The following ANKRD11 variants were observed in gnomAD, a reference collection of about 807,000 sequenced individuals.
The protein encoded by ANKRD11 is ankyrin repeat domain 11, also known as ankyrin repeat domain-containing protein 11.
In ANKRD11, 17 loss-of-function variants were observed where a neutral mutation model predicts 195.7. The ratio of observed to expected loss-of-function variants is 0.09; its 90% CI spans 0.06 to 0.13. The LOEUF (loss-of-function observed/expected upper bound fraction) is 0.13, where lower values mean the gene tolerates loss of function less well. Ranked by LOEUF, ANKRD11 falls within the 10% of genes least tolerant of loss-of-function variation. ANKRD11 has a pLI of 1.00. For missense variants in ANKRD11, 3,735 were observed against 3,566.1 expected (o/e 1.05, Z -1.21); for synonymous variants, 1,953 against 1,528.1 (o/e 1.28, Z -6.49).
intron 1 of ANKRD11, among the ~76,000 whole-genome samples, chr16:89,423,417 C>A (rs1262799198): frequency 6.6e-6 from 1 of 152,228 alleles, no homozygotes; most frequent in South Asian, 2.1e-4. Context: ...TCCCACAGAA[C>A]GGCCCGCAGT....
intron 2 of ANKRD11, among the ~76,000 whole-genome samples, chr16:89,341,443 C>A (rs1276591249): frequency 1.3e-5 from 2 of 152,224 alleles, no homozygotes; most frequent in African/African-American, 2.4e-5. Context: ...AGCTTCCCAG[C>A]CTTCCAGAAG....
In ANKRD11 at chr16:89,291,497, C is replaced by T. The variant is rs1330125956; in HGVS notation, c.227-314G>A. On this transcript the variant is annotated intron_variant, in intron 4 of 12. Transcript: ENST00000301030. The surrounding 1 kb of genome is among the most constrained non-coding windows in gnomAD (Gnocchi z 5.3). ...GGGCCTCCCCAGACCTCGTACCACA[C>T]ATGAATGCGGTGGGACAGCTTAGCA... 2.0e-5 allele frequency among the ~76,000 whole-genome samples: 3 copies of T among 152,234 alleles called. No homozygotes were observed. The highest frequency in any genetic ancestry group is 2.1e-4 in the South Asian group (1 of 4,836).
chr16:89,404,828 C>T (rs938245996), intron 2 of ANKRD11, among the ~76,000 whole-genome samples: 4 of 152,252 alleles, frequency 2.6e-5, no homozygotes, highest in South Asian at 4.1e-4. Context: ...GCCACCTTGA[C>T]GCTGAATGTA....
At chr16:89,477,248 A>T (rs560588741) in intron 1 of ANKRD11, among the ~76,000 whole-genome samples, 44 of 149,754 alleles carry the variant, frequency 2.9e-4, no homozygotes, top group African/African-American at 1.1e-3. Flanking sequence ...GCTGGAGTGC[A>T]GTGGCGCCAT....
Position 89,279,811 on chromosome 16 carries a change from A to ACGGGCG in ANKRD11, c.6725_6730dup (p.Ala2242_Pro2243dup), listed in dbSNP as rs1450568997. On this transcript the variant is annotated inframe_insertion, in exon 9 of 13. Transcript: ENST00000301030. The surrounding 1 kb of genome is among the most constrained non-coding windows in gnomAD (Gnocchi z 5.6). ...CCCCAGTGGGCGCTGTTCTGGGGGA[A>ACGGGCG]CGGGCGCGGGCTCCACGCTGGAGTC... The ACGGGCG allele has an allele frequency of 1.3e-6, 2 of 1,541,762 alleles. No individual in the cohort carries two copies. Among genetic ancestry groups the ACGGGCG allele is most frequent in the Admixed American group, 2.0e-5 (1 of 51,062 alleles).
Position 89,286,538 on chromosome 16 carries a change from G to A in ANKRD11, c.745-352C>T, listed in dbSNP as rs895815519. ...CTTCTCACGAAGGCTCTCCCCTCCC[G>A]CCAACAGTGAGCTCCTCAGCAGAGT... On this transcript the variant is annotated intron_variant, in intron 7 of 12. Transcript: ENST00000301030. 6.5e-5 allele frequency: 41 copies of A among 633,320 alleles called. No individual in the cohort carries two copies. In the South Asian group the frequency reaches 6.9e-4, roughly 11 times the overall value. The allele number at this position is 633,320 out of a possible 1,614,324, so 39.2% of individuals were successfully genotyped here.
intron 2 of ANKRD11, among the ~76,000 whole-genome samples, chr16:89,389,761 A>G (rs2152121595): frequency 6.7e-6 from 1 of 150,290 alleles, no homozygotes; most frequent in African/African-American, 2.5e-5. Flanking sequence ...GGGAGCACCG[A>G]GAGAGAAGAT....
At chr16:89,480,287 T>A (rs2057402441) in intron 1 of ANKRD11, among the ~76,000 whole-genome samples, 1 of 151,534 alleles carries the variant, frequency 6.6e-6, no homozygotes, top group Non-Finnish European at 1.5e-5. Flanking sequence ...CCATTCTGGC[T>A]AACATGGCGA....
rs2034426914 is a variant in ANKRD11 at position 89,283,482 on chromosome 16, CTTCCT to C, written c.3055_3059del (p.Arg1019GlyfsTer14). On this transcript the variant is annotated frameshift_variant, in exon 9 of 13. Transcript: ENST00000301030. LOFTEE classifies it high-confidence loss of function. This position sits in a 1 kb window ranked among gnomAD's most constrained non-coding sequence, Gnocchi z 4.3. Reference sequence around the variant, plus strand: ...TGTATCTTTCTGGTTTTGTCTTCTCCTTCCTTTCCTTATCGGGGCCATCCTTCTTC... The same window carrying C: ...TGTATCTTTCTGGTTTTGTCTTCTCCTTCCTTATCGGGGCCATCCTTCTTC... 6.2e-7 allele frequency: 1 copy of C among 1,613,954 alleles called. No individual in the cohort carries two copies. Among genetic ancestry groups the C allele is most frequent in the African/African-American group, 1.3e-5 (1 of 74,920 alleles).
rs114407165 is a variant in ANKRD11 at position 89,288,208 on chromosome 16, G to A, written c.744+320C>T. 7.1e-4 allele frequency: 432 copies of A among 610,370 alleles called. 1 individual carries two copies. The highest frequency in any genetic ancestry group is 6.8e-3 in the African/African-American group (371 of 54,234). The allele number at this position is 610,370 out of a possible 1,614,324, so 37.8% of individuals were successfully genotyped here. On this transcript the variant is annotated intron_variant, in intron 7 of 12. Transcript: ENST00000301030. ...CAGTCCCACAGTGGTGACGGGGACC[G>A]GCAGCAACTCCTGCAGGCCTCCTTC...
chr16:89,288,049 C>T, intron 7 of ANKRD11: 1 of 548,352 alleles, frequency 1.8e-6, no homozygotes, highest in Non-Finnish European at 3.2e-6. Flanking sequence ...AGGCTGAGAC[C>T]TCTCAGTGCC....
At chr16:89,362,314 G>A (rs534768018) in intron 2 of ANKRD11, among the ~76,000 whole-genome samples, 3 of 152,356 alleles carry the variant, frequency 2.0e-5, no homozygotes, top group Non-Finnish European at 4.4e-5. Flanking sequence ...CTGTCTGCCT[G>A]AGTGAAACCT....
chr16:89,293,105 A>C (rs1219129602), intron 4 of ANKRD11, among the ~76,000 whole-genome samples: 5 of 152,212 alleles, frequency 3.3e-5, no homozygotes, highest in Non-Finnish European at 5.9e-5. Flanking sequence ...GAAGCAGCTG[A>C]GAACCTCTGC....
chr16:89,337,007 C>CAAA (rs60248736), intron 2 of ANKRD11, among the ~76,000 whole-genome samples: 41 of 47,742 alleles, frequency 8.6e-4, no homozygotes, highest in East Asian at 2.6e-3. Context: ...CTGGCTCTAC[C>CAAA]AAAAAAAAAA....
At chr16:89,377,857 T>G (rs181856076) in intron 2 of ANKRD11, among the ~76,000 whole-genome samples, 4 of 152,058 alleles carry the variant, frequency 2.6e-5, no homozygotes, top group Admixed American at 2.0e-4. Flanking sequence ...CTTCTACCTC[T>G]TCCACCCCCG....
intron 2 of ANKRD11, among the ~76,000 whole-genome samples, chr16:89,385,750 G>A (rs778073315): frequency 2.6e-5 from 4 of 152,262 alleles, no homozygotes; most frequent in Non-Finnish European, 5.9e-5. Flanking sequence ...CACGTCTGAC[G>A]ACAGAAGGCT....
At chr16:89,369,690 C>T (rs1316445095) in intron 2 of ANKRD11, among the ~76,000 whole-genome samples, 1 of 152,206 alleles carries the variant, frequency 6.6e-6, no homozygotes, top group East Asian at 1.9e-4. Flanking sequence ...GACTGTGGGA[C>T]ACAGGCATCT....
intron 4 of ANKRD11, chr16:89,299,401 TG>T (rs1251554169): frequency 5.6e-6 from 1 of 177,570 alleles, no homozygotes; most frequent in Non-Finnish European, 1.1e-5. Context: ...GTGGGGTCTG[TG>T]CCCTGTGTGG....
At position 89,284,264 on chromosome 16, in the gene ANKRD11, G is replaced by A; in HGVS notation, c.2278C>T (p.Leu760=). The change falls in exon 9 of 13, where the codon CTG becomes TTG. Residue 760 remains leucine (L), a synonymous_variant. Coordinates refer to ENST00000301030, the MANE Select transcript of ANKRD11 (RefSeq NM_013275.6). Reference sequence around the variant, plus strand: ...TTCTTCTTTCTCTCCTCTTTGTACAGTCTCAGTTTTTCTTCTTTCGGAGAC... The same window carrying A: ...TTCTTCTTTCTCTCCTCTTTGTACAATCTCAGTTTTTCTTCTTTCGGAGAC... The part of the protein sequence containing the change: ...EKSPKEEKLR[L]YKEERKKKSK... The A allele has an allele frequency of 6.2e-7, 1 of 1,613,568 alleles. No homozygotes were observed. Among genetic ancestry groups the A allele is most frequent in the East Asian group, 2.2e-5 (1 of 44,856 alleles).
Sources: gnomAD v4.1 joint callset for allele counts (sites outside exome capture counted in the v4.1 genomes callset) on GRCh38, gnomAD v4.1.1 for gene constraint, Gnocchi (gnomAD v3.1) non-coding constraint, MANE v1.5 for transcripts, NCBI Gene and HGNC (gene_info 2026-07-23, HGNC 2026-07-21) for gene names.